The following UBE2U variants were observed in gnomAD, a reference collection of about 807,000 sequenced individuals.
UBE2U encodes the protein ubiquitin conjugating enzyme E2 U.
In UBE2U, 39 loss-of-function variants were observed where a neutral mutation model predicts 41.2. That is an observed-to-expected ratio of 0.95 (90% CI 0.73 to 1.24). The LOEUF (loss-of-function observed/expected upper bound fraction) is 1.24. UBE2U is among the 50% of genes most tolerant of loss of function. The probability of loss-of-function intolerance (pLI) is 0.00; values close to 1 mark genes in which losing one functional copy is unlikely to be tolerated. For synonymous variants in UBE2U, 107 were observed against 117.8 expected, an observed-to-expected ratio of 0.91 and a Z score of 0.60; for missense variants, 336 against 363.1, an observed-to-expected ratio of 0.93 and a Z score of 0.61.
At chr1:64,230,158 A>G (rs1369118690) in intron 6 of UBE2U, among the ~76,000 whole-genome samples, 2 of 151,928 alleles carry the variant, frequency 1.3e-5, no homozygotes, top group Non-Finnish European at 2.9e-5. Flanking sequence ...CTTTCATAAC[A>G]TTTGCTGCCA....
chr1:64,223,832 C>A (rs1474480620), intron 6 of UBE2U, among the ~76,000 whole-genome samples: 3 of 152,052 alleles, frequency 2.0e-5, no homozygotes, highest in Admixed American at 2.0e-4. Context: ...ACTATGGGGC[C>A]AGGGGATCCT....
rs1029201032 is a variant in UBE2U at position 64,227,807 on chromosome 1, CA to C, written c.507-4743del. 4.9e-4 allele frequency among the ~76,000 whole-genome samples: 68 copies of C among 139,832 alleles called. 1 individual carries two copies. The highest frequency in any genetic ancestry group is 1.2e-3 in the East Asian group (6 of 4,842). The allele number at this position is 139,832 out of a possible 152,430, so 91.7% of individuals were successfully genotyped here. On this transcript the variant is annotated intron_variant, in intron 6 of 9. Coordinates refer to ENST00000371077, the MANE Select transcript of UBE2U (RefSeq NM_001366232.2). ...GCAACAAGAACAAAACTTCATCTCACAAAAAAAAAAATGATAATAAAATACC... is the reference window on the plus strand; with the variant it reads ...GCAACAAGAACAAAACTTCATCTCACAAAAAAAAAATGATAATAAAATACC...
chr1:64,257,679 T>TGACG (rs1387845744), intron 8 of UBE2U, among the ~76,000 whole-genome samples: 3 of 152,156 alleles, frequency 2.0e-5, no homozygotes, highest in Admixed American at 1.3e-4. Context: ...GCTTAGTACA[T>TGACG]AGGTGATGGG....
chr1:64,209,076 G>A (rs12730821), intron 3 of UBE2U, among the ~76,000 whole-genome samples: 1 of 152,086 alleles, frequency 6.6e-6, no homozygotes, highest in Non-Finnish European at 1.5e-5. Context: ...TTTTACATTA[G>A]ATTTTTTATG....
At position 64,243,448 on chromosome 1, in the gene UBE2U, A is replaced by G. The variant is rs372639264; in HGVS notation, c.677+1715A>G. On this transcript the variant is annotated intron_variant, in intron 8 of 9. Coordinates refer to ENST00000371077, the MANE Select transcript of UBE2U (RefSeq NM_001366232.2). ...TACATGGGGTATGATAAAGAGGACA[A>G]TTCATAGAGAATCAAGTAGAAAATG... is the stretch of plus-strand genomic sequence containing the variant. Among the ~76,000 whole-genome samples, 9 of 152,324 alleles carry G rather than the reference A, an allele frequency of 5.9e-5. No individual in the cohort carries two copies. The East Asian group carries it at 1.4e-3, about 23-fold the overall frequency.
intron 2 of UBE2U, 86 bp from the exon 3 acceptor site, chr1:64,206,678 C>A: frequency 1.3e-6 from 1 of 794,550 alleles, no homozygotes; most frequent in Non-Finnish European, 2.0e-6. Flanking sequence ...AAGACTAAAC[C>A]ATAGGGAGAA....
intron 8 of UBE2U, among the ~76,000 whole-genome samples, chr1:64,258,951 G>A (rs1222124928): frequency 5.3e-5 from 8 of 152,166 alleles, no homozygotes; most frequent in Admixed American, 3.3e-4. Context: ...GTGTAAAAGC[G>A]TTTCTATTTC....
Position 64,260,629 on chromosome 1 carries a change from C to T in UBE2U, c.704C>T (p.Ala235Val). The change falls in exon 9 of 10, where the codon GCT becomes GTT. Residue 235 changes from alanine to valine, a missense_variant. Coordinates refer to ENST00000371077, the MANE Select transcript of UBE2U (RefSeq NM_001366232.2). Reference protein sequence around the residue: ...LKYSVIKCWLARKRMPHEVTH... With the variant: ...LKYSVIKCWLVRKRMPHEVTH... ...TATTCCGTTATCAAGTGTTGGCTTG[C>T]TAGAAAAAGAATGCCTCATGAAGTC... 6.5e-7 allele frequency: 1 copy of T among 1,549,254 alleles called. No individual in the cohort carries two copies.
intron 8 of UBE2U, among the ~76,000 whole-genome samples, chr1:64,259,813 A>T (rs1645154026): frequency 6.6e-6 from 1 of 152,122 alleles, no homozygotes; most frequent in African/African-American, 2.4e-5. Flanking sequence ...TGTTTTATCC[A>T]GGATGAGTCA....
intron 6 of UBE2U, among the ~76,000 whole-genome samples, chr1:64,221,783 T>C (rs1652486026): frequency 6.6e-6 from 1 of 152,132 alleles, no homozygotes; most frequent in South Asian, 2.1e-4. Flanking sequence ...GTATAAAAGT[T>C]GAGTAAAATT....
intron 8 of UBE2U, among the ~76,000 whole-genome samples, chr1:64,249,769 G>T (rs1644978445): frequency 6.6e-6 from 1 of 151,998 alleles, no homozygotes; most frequent in Non-Finnish European, 1.5e-5. Context: ...AAGAGCCTCA[G>T]TGAGCTGTGG....
intron 8 of UBE2U, among the ~76,000 whole-genome samples, chr1:64,243,127 T>C (rs571394510): frequency 6.6e-6 from 1 of 152,184 alleles, no homozygotes; most frequent in East Asian, 1.9e-4. Flanking sequence ...GGTCAAATTA[T>C]CATGTGCATA....
rs12727945 is a variant in UBE2U at position 64,250,623 on chromosome 1, G to C, written c.677+8890G>C. Among the ~76,000 whole-genome samples, 10 of 151,988 alleles carry C rather than the reference G, an allele frequency of 6.6e-5. No homozygotes were observed. In the South Asian group the frequency reaches 1.7e-3, roughly 25 times the overall value. On this transcript the variant is annotated intron_variant, in intron 8 of 9. Transcript: ENST00000371077. ...AAAGACACATGCACACATATGTTTA[G>C]TGTGGCACTATTCACAATAGCCAAG...
intron 6 of UBE2U, among the ~76,000 whole-genome samples, chr1:64,224,786 G>T (rs1470446708): frequency 6.6e-6 from 1 of 151,428 alleles, no homozygotes; most frequent in Non-Finnish European, 1.5e-5. Context: ...AGATTAAAAA[G>T]TTCTAGAGAT....
intron 1 of UBE2U, among the ~76,000 whole-genome samples, chr1:64,205,290 C>T (rs1274909535): frequency 6.6e-6 from 1 of 152,152 alleles, no homozygotes; most frequent in Non-Finnish European, 1.5e-5. Flanking sequence ...TTTGAAGAAA[C>T]ATGCACTTTC....
chr1:64,243,756 C>G (rs1644873532), intron 8 of UBE2U, among the ~76,000 whole-genome samples: 4 of 152,164 alleles, frequency 2.6e-5, no homozygotes, highest in African/African-American at 9.7e-5. Context: ...GACCTCCTTA[C>G]CACGTTGTAC....
In UBE2U at chr1:64,214,861, C is replaced by T. The variant is rs1272543678; in HGVS notation, c.386C>T (p.Ala129Val). ...CTAGAGAATCCAGTGAATTTGGAAG[C>T]AGCCAGAATACTGGTTAAAGATGAA... Reference protein sequence around the residue: ...PVLENPVNLEAARILVKDESL... With the variant: ...PVLENPVNLEVARILVKDESL... The change falls in exon 5 of 10, where the codon GCA becomes GTA. Residue 129 changes from alanine (A) to valine (V), a missense_variant. By Grantham distance (64) the Ala-to-Val change is moderately conservative. Coordinates refer to ENST00000371077, the MANE Select transcript of UBE2U (RefSeq NM_001366232.2). 6.2e-7 allele frequency: 1 copy of T among 1,614,138 alleles called. No individual in the cohort carries two copies. Among genetic ancestry groups the T allele is most frequent in the African/African-American group, 1.3e-5 (1 of 75,050 alleles).
intron 6 of UBE2U, among the ~76,000 whole-genome samples, chr1:64,231,003 CT>C (rs1644553948): frequency 6.6e-6 from 1 of 152,122 alleles, no homozygotes. Context: ...AGTTACAGTT[CT>C]CTTTTTTTAA....
chr1:64,248,079 A>G (rs897217103), intron 8 of UBE2U, among the ~76,000 whole-genome samples: 2 of 152,140 alleles, frequency 1.3e-5, no homozygotes, highest in Admixed American at 6.6e-5. Flanking sequence ...TAGCAACACT[A>G]AACGAACTAA....
Sources: allele counts gnomAD v4.1 joint callset (sites outside exome capture counted in the v4.1 genomes callset), GRCh38; gene constraint gnomAD v4.1.1; transcripts MANE v1.5; gene names NCBI Gene and HGNC (gene_info 2026-07-23, HGNC 2026-07-21).